Variants in SIDT1 observed in about 807,000 individuals in gnomAD.
SIDT1 encodes SID1 transmembrane family member 1, also known as SID1 transmembrane family, member 1.
SIDT1 carries 101 observed loss-of-function variants against 107.5 expected under a neutral mutation model. The observed-to-expected ratio is 0.94, with a 90% CI of 0.80 to 1.11. SIDT1 has a LOEUF of 1.11. SIDT1 is among the 50% of genes least tolerant of loss of function. SIDT1 has a pLI of 0.00. For missense variants in SIDT1, 1,076 were observed against 1,058.2 expected, an observed-to-expected ratio of 1.02 and a Z score of -0.23; for synonymous variants, 395 against 398.2, an observed-to-expected ratio of 0.99 and a Z score of 0.10.
chr3:113,608,135 T>C lies in SIDT1; in HGVS notation c.1520T>C (p.Leu507Pro), dbSNP rs1324024594. 43 of 1,612,632 alleles carry C rather than the reference T, an allele frequency of 2.7e-5. No homozygotes were observed. The highest frequency in any genetic ancestry group is 3.6e-5 in the Non-Finnish European group (43 of 1,179,406). ...NILSNLGHVLLGFLFLLIVLR... is the reference protein window; with the variant it reads ...NILSNLGHVLPGFLFLLIVLR... Reference sequence around the variant, plus strand: ...CTCAGCAATCTGGGCCACGTGCTTCTGGGCTTCCTCTTCCTGCTGATAGTC... The same window carrying C: ...CTCAGCAATCTGGGCCACGTGCTTCCGGGCTTCCTCTTCCTGCTGATAGTC... Residue 507 changes from leucine (L) to proline (P), a missense_variant, in exon 16 of 25, where the codon CTG becomes CCG. Transcript: ENST00000264852.
chr3:113,562,261 A>G (rs1941502760), intron 1 of SIDT1, among the ~76,000 whole-genome samples: 1 of 152,230 alleles, frequency 6.6e-6, no homozygotes, highest in Admixed American at 6.5e-5. Flanking sequence ...CTTGCTAGGT[A>G]AATTACTGGA....
At position 113,582,841 on chromosome 3, in the gene SIDT1, G is replaced by T. The variant is rs183484831; in HGVS notation, c.748-568G>T. On this transcript the variant is annotated intron_variant, in intron 6 of 24. Transcript: ENST00000264852. ...GGGCTGAACATAACACCAGAAGTTT[G>T]GGGATGATTTTTTTTTAAGTCTGGG... 2.6e-3 allele frequency among the ~76,000 whole-genome samples: 392 copies of T among 151,960 alleles called. 1 individual carries two copies. Among genetic ancestry groups the T allele is most frequent in the African/African-American group, 8.9e-3 (368 of 41,510 alleles).
At position 113,538,575 on chromosome 3, in the gene SIDT1, T is replaced by C. The variant is rs185793148; in HGVS notation, c.222+5332T>C. On this transcript the variant is annotated intron_variant, in intron 1 of 24. Transcript: ENST00000264852. ...TTAAGTGATAATACTTTTGATGTAT[T>C]AAATTAACTATAGTCATAAAATTAA... 5.6e-4 allele frequency among the ~76,000 whole-genome samples: 85 copies of C among 152,360 alleles called. 1 individual carries two copies. Among genetic ancestry groups the C allele is most frequent in the Admixed American group, 5.0e-3 (77 of 15,308 alleles).
At position 113,581,423 on chromosome 3, in the gene SIDT1, G is replaced by C. The variant is rs1943330809; in HGVS notation, c.726G>C (p.Lys242Asn). Residue 242 changes from lysine to asparagine, a missense_variant, in exon 6 of 25, where the codon AAG (lysine) becomes AAC (asparagine). By Grantham distance (94) the Lys-to-Asn change is moderately conservative. Transcript: ENST00000264852. ...ATGGTGTCTATCAGTCCATGACCAA[G>C]AAAGCTGCCATCACGCTACAGGTGA... ...EFNGVYQSMT[K>N]KAAITLQKKD... 7 of 1,614,016 alleles carry C rather than the reference G, an allele frequency of 4.3e-6. No individual in the cohort carries two copies. The highest frequency in any genetic ancestry group is 5.1e-6 in the Non-Finnish European group (6 of 1,179,886).
intron 3 of SIDT1, among the ~76,000 whole-genome samples, chr3:113,568,136 A>G (rs1356590094): frequency 1.1e-4 from 16 of 152,098 alleles, no homozygotes; most frequent in Non-Finnish European, 1.5e-5. Flanking sequence ...CATAGGTAGG[A>G]ATGTGGCTTT....
At chr3:113,540,383 T>C (rs1300082715) in intron 1 of SIDT1, among the ~76,000 whole-genome samples, 2 of 152,174 alleles carry the variant, frequency 1.3e-5, no homozygotes, top group African/African-American at 4.8e-5. Context: ...CTCATTTGCT[T>C]TATCCCCAAA....
intron 1 of SIDT1, among the ~76,000 whole-genome samples, chr3:113,554,594 G>T (rs1162177028): frequency 6.6e-6 from 1 of 152,106 alleles, no homozygotes; most frequent in East Asian, 1.9e-4. Flanking sequence ...TGATTGTGAG[G>T]CCTCCCCAGC....
chr3:113,610,417 G>C (rs763525023), intron 17 of SIDT1, among the ~76,000 whole-genome samples: 3 of 152,154 alleles, frequency 2.0e-5, no homozygotes, highest in Non-Finnish European at 4.4e-5. Flanking sequence ...GACACTTAAA[G>C]TTTTTATCAA....
rs751305566 is a variant in SIDT1, at chr3:113,611,003, C to T, written c.1721-5C>T. ...GATCATCTGGCTCCTCCTTTGGGTC[C>T]TCAGACACCTCCTTCATGTACATGA... On this transcript the variant is annotated splice_region_variant and splice_polypyrimidine_tract_variant and intron_variant, in intron 17 of 24. Transcript: ENST00000264852. 11 of 1,613,094 alleles carry T rather than the reference C, an allele frequency of 6.8e-6. No individual in the cohort carries two copies. In the Admixed American group the frequency reaches 1.8e-4, roughly 27 times the overall value.
At chr3:113,551,139 C>T (rs935656766) in intron 1 of SIDT1, among the ~76,000 whole-genome samples, 1 of 152,054 alleles carries the variant, frequency 6.6e-6, no homozygotes, top group African/African-American at 2.4e-5. Flanking sequence ...GCATATATAC[C>T]ACATTTTCTT....
intron 6 of SIDT1, among the ~76,000 whole-genome samples, chr3:113,582,968 G>A (rs927919240): frequency 1.3e-5 from 2 of 152,028 alleles, no homozygotes; most frequent in Non-Finnish European, 2.9e-5. Flanking sequence ...GTAACTCAAA[G>A]CCAAGATGAT....
chr3:113,549,468 G>A (rs970068464), intron 1 of SIDT1, among the ~76,000 whole-genome samples: 2 of 152,118 alleles, frequency 1.3e-5, no homozygotes, highest in Non-Finnish European at 2.9e-5. Context: ...GTGTATAGTG[G>A]CATCTGATTG....
In SIDT1 at chr3:113,533,171, T is replaced by C. The variant is rs1937659678; in HGVS notation, c.150T>C (p.His50=). The change falls in exon 1 of 25, where the codon CAT becomes CAC. Residue 50 remains histidine (H), a synonymous_variant. Coordinates refer to ENST00000264852, the MANE Select transcript of SIDT1 (RefSeq NM_017699.3). ...FDAARGADFD[H]VYSGVVNLST... is the part of the protein sequence containing the mutation. Reference sequence around the variant, plus strand: ...CTGCCAGGGGCGCCGATTTCGATCATGTCTACAGCGGGGTGGTGAACCTCA... The same window carrying C: ...CTGCCAGGGGCGCCGATTTCGATCACGTCTACAGCGGGGTGGTGAACCTCA... The C allele has an allele frequency of 1.3e-6, 2 of 1,579,802 alleles. No homozygotes were observed. The highest frequency in any genetic ancestry group is 2.4e-5 in the East Asian group (1 of 40,992).
intron 19 of SIDT1, 39 bp downstream of exon 19, chr3:113,612,233 A>C (rs1287565060): frequency 7.1e-7 from 1 of 1,415,588 alleles, no homozygotes; most frequent in East Asian, 2.3e-5. Flanking sequence ...CACACGAATC[A>C]ACTTTAATGA....
the SIDT1 span, among the ~76,000 whole-genome samples, chr3:113,636,727 T>C: frequency 2.6e-5 from 4 of 152,220 alleles, no homozygotes; most frequent in Non-Finnish European, 5.9e-5. Flanking sequence ...TTAACCAACC[T>C]ACCTGACTTC....
downstream of SIDT1, chr3:113,632,978 A>T (rs1168209685): frequency 6.6e-6 from 1 of 152,212 alleles, no homozygotes; most frequent in Non-Finnish European, 1.5e-5. Context: ...GCAAAAAGCT[A>T]CAAGAAGAGA....
intron 20 of SIDT1, among the ~76,000 whole-genome samples, 195 bp downstream of exon 20, chr3:113,616,371 A>G (rs942892831): frequency 5.9e-5 from 9 of 152,222 alleles, no homozygotes; most frequent in African/African-American, 2.2e-4. Context: ...ACATGGTCCC[A>G]TTTTTATAAA....
At chr3:113,536,631 A>T (rs918030547) in intron 1 of SIDT1, among the ~76,000 whole-genome samples, 1 of 152,138 alleles carries the variant, frequency 6.6e-6, no homozygotes, top group African/African-American at 2.4e-5. Flanking sequence ...CCCATACCAA[A>T]CTGTCCCAGA....
intron 2 of SIDT1, among the ~76,000 whole-genome samples, chr3:113,566,871 T>C (rs1004183960): frequency 4.6e-5 from 7 of 152,184 alleles, no homozygotes; most frequent in African/African-American, 1.7e-4. Flanking sequence ...AGTGAGTAAC[T>C]CTTCCCTTGT....
Sources: allele counts gnomAD v4.1 joint callset (sites outside exome capture counted in the v4.1 genomes callset), GRCh38; gene constraint gnomAD v4.1.1; transcripts MANE v1.5; gene names NCBI Gene and HGNC (gene_info 2026-07-23, HGNC 2026-07-21).